The following SYNE1 variants were observed in gnomAD, a reference collection of about 807,000 sequenced individuals.
SYNE1 encodes nesprin-1.
In SYNE1, 616 loss-of-function variants were observed where a neutral mutation model predicts 1,111.0. That is an observed-to-expected ratio of 0.55 (90% CI 0.52 to 0.59). The LOEUF is 0.59. Ranked by LOEUF, SYNE1 falls within the 20% of genes least tolerant of loss-of-function variation. SYNE1 has a pLI of 0.00. For missense variants in SYNE1, 10,006 were observed against 10,417.0 expected (o/e 0.96, Z 1.72); for synonymous variants, 3,855 against 3,825.8 (o/e 1.01, Z -0.28).
chr6:152,147,922 G>A, intron 137 of SYNE1, 123 bp downstream of exon 137: 2 of 889,684 alleles, frequency 2.2e-6, no homozygotes, highest in Non-Finnish European at 3.6e-6. Flanking sequence ...TGTTCACTTA[G>A]GTACAATTTC....
chr6:152,502,213 C>T (rs2099033669), intron 10 of SYNE1, among the ~76,000 whole-genome samples: 1 of 151,374 alleles, frequency 6.6e-6, no homozygotes, highest in South Asian at 2.1e-4. Flanking sequence ...CGTCTTACTT[C>T]CATATGTTTG....
intron 54 of SYNE1, 133 bp from the exon 55 acceptor site, chr6:152,385,971 G>T: frequency 1.2e-6 from 1 of 811,280 alleles, no homozygotes; most frequent in Non-Finnish European, 2.0e-6. Context: ...TTTTCTCTGA[G>T]TTTAATATCT....
At chr6:152,611,805 C>T (rs2099632091) in intron 3 of SYNE1, among the ~76,000 whole-genome samples, 1 of 152,010 alleles carries the variant, frequency 6.6e-6, no homozygotes, top group Non-Finnish European at 1.5e-5. Flanking sequence ...GTCTCTCAGA[C>T]CACAGTGCAA....
chr6:152,349,680 C>T (rs2096707947), intron 72 of SYNE1, among the ~76,000 whole-genome samples: 1 of 152,196 alleles, frequency 6.6e-6, no homozygotes, highest in Non-Finnish European at 1.5e-5. Flanking sequence ...AGACTCAGAC[C>T]TTCATATGGT....
intron 130 of SYNE1, among the ~76,000 whole-genome samples, chr6:152,166,082 T>G (rs1329588826): frequency 6.6e-6 from 1 of 152,204 alleles, no homozygotes; most frequent in African/African-American, 2.4e-5. Context: ...TCTGAACACT[T>G]ACTAGGCTTG....
chr6:152,299,636 C>G (rs1208641853), intron 93 of SYNE1, among the ~76,000 whole-genome samples: 2 of 151,572 alleles, frequency 1.3e-5, no homozygotes. Flanking sequence ...TGATTTTTAC[C>G]AAGAGAACAG....
At chr6:152,294,206 GTCA>G in intron 93 of SYNE1, 79 bp from the exon 94 acceptor site, 1 of 1,489,560 alleles carries the variant, frequency 6.7e-7, no homozygotes, top group Non-Finnish European at 9.1e-7. Flanking sequence ...TGTTGGTCAT[GTCA>G]AGGAAAGGTT....
chr6:152,254,831 C>G (rs1191067495), intron 104 of SYNE1, 49 bp downstream of exon 104: 4 of 1,529,672 alleles, frequency 2.6e-6, no homozygotes, highest in Non-Finnish European at 2.7e-6. Flanking sequence ...CTGACTATTA[C>G]TGAATACCTA....
intron 127 of SYNE1, among the ~76,000 whole-genome samples, chr6:152,199,890 G>T (rs1014214791): frequency 6.6e-6 from 1 of 152,220 alleles, no homozygotes; most frequent in African/African-American, 2.4e-5. Context: ...CAATAGCAGC[G>T]TGTGTTTGTA....
chr6:152,148,434 C>T lies in SYNE1; in HGVS notation c.24643-56G>A, dbSNP rs1257680005. On this transcript the variant is annotated intron_variant, in intron 136 of 145. Transcript: ENST00000367255. This position sits in a 1 kb window ranked among gnomAD's most constrained non-coding sequence, Gnocchi z 4.1. ...TGTAGTGGTCAGACTAGCTTCTTAT[C>T]TGGGCCACCTGCCTACCATGTGGGG... 4.4e-5 allele frequency: 68 copies of T among 1,529,426 alleles called. No homozygotes were observed. Among genetic ancestry groups the T allele is most frequent in the Middle Eastern group, 2.1e-4 (1 of 4,828 alleles). 94.7% of individuals were successfully genotyped at this position (1,529,426 alleles called of 1,614,324 possible).
At chr6:152,423,478 T>C (rs1238170629) in intron 39 of SYNE1, among the ~76,000 whole-genome samples, 4 of 152,174 alleles carry the variant, frequency 2.6e-5, no homozygotes, top group Admixed American at 2.6e-4. Context: ...GACTCTGCAC[T>C]CTTCTCTCCA....
In SYNE1 at chr6:152,133,497, A is replaced by G; in HGVS notation, c.25789-9T>C. 1.2e-6 allele frequency: 2 copies of G among 1,613,790 alleles called. No homozygotes were observed. The highest frequency in any genetic ancestry group is 1.7e-6 in the Non-Finnish European group (2 of 1,179,762). On this transcript the variant is annotated splice_polypyrimidine_tract_variant and intron_variant, in intron 142 of 145. Transcript: ENST00000367255. ...AGCTCATGCTTTATTTGCTATGCATACAAAAACAAATTAATTTTTCTAAGC... is the reference window on the plus strand; with the variant it reads ...AGCTCATGCTTTATTTGCTATGCATGCAAAAACAAATTAATTTTTCTAAGC...
chr6:152,496,648 C>G (rs1290541389), intron 11 of SYNE1, among the ~76,000 whole-genome samples: 1 of 152,102 alleles, frequency 6.6e-6, no homozygotes, highest in Non-Finnish European at 1.5e-5. Context: ...TCAGCCCAAT[C>G]CTGCTCGAAG....
intron 130 of SYNE1, chr6:152,168,148 A>G (rs372832700): frequency 1.0e-5 from 8 of 778,702 alleles, no homozygotes; most frequent in Non-Finnish European, 1.9e-5. Flanking sequence ...GGAGATCTGC[A>G]TCCACACAGC....
At chr6:152,466,783 GATT>G (rs1335306762) in intron 16 of SYNE1, among the ~76,000 whole-genome samples, 1 of 152,010 alleles carries the variant, frequency 6.6e-6, no homozygotes, top group African/African-American at 2.4e-5. Context: ...GCGTTTCAAA[GATT>G]ATTATTACTT....
chr6:152,620,308 CTT>C (rs1455606210), intron 3 of SYNE1, among the ~76,000 whole-genome samples: 1 of 152,028 alleles, frequency 6.6e-6, no homozygotes, highest in Non-Finnish European at 1.5e-5. Flanking sequence ...TCACAAACCT[CTT>C]TTCTTCTTAT....
intron 3 of SYNE1, among the ~76,000 whole-genome samples, chr6:152,565,582 C>T (rs1305362832): frequency 6.6e-6 from 1 of 151,936 alleles, no homozygotes; most frequent in East Asian, 1.9e-4. Flanking sequence ...TTGGTATTCA[C>T]TCAAGACCCA....
intron 105 of SYNE1, among the ~76,000 whole-genome samples, chr6:152,246,232 G>T (rs1031903786): frequency 6.6e-6 from 1 of 151,940 alleles, no homozygotes; most frequent in East Asian, 1.9e-4. Flanking sequence ...GGCAACAAAA[G>T]ATTTCAATAT....
At position 152,233,781 on chromosome 6, in the gene SYNE1, C is replaced by T; in HGVS notation, c.20712G>A (p.Gln6904=). Residue 6904 remains glutamine, a splice_region_variant and synonymous_variant, in exon 112 of 146, where the codon CAG becomes CAA. Transcript: ENST00000367255. ...CCCACGAAAGCAATCCTTTCTGTACCTGGTGGAGCTTCTCCTGGACGGCTG... is the reference window on the plus strand; with the variant it reads ...CCCACGAAAGCAATCCTTTCTGTACTTGGTGGAGCTTCTCCTGGACGGCTG... ...NIPAVQEKLH[Q]LQMDKLPSRH... The T allele has an allele frequency of 6.2e-7, 1 of 1,614,182 alleles. No homozygotes were observed. Among genetic ancestry groups the T allele is most frequent in the Non-Finnish European group, 8.5e-7 (1 of 1,180,032 alleles).
Sources: allele counts gnomAD v4.1 joint callset (sites outside exome capture counted in the v4.1 genomes callset), GRCh38; gene constraint gnomAD v4.1.1; non-coding constraint Gnocchi (gnomAD v3.1); transcripts MANE v1.5; gene names NCBI Gene and HGNC (gene_info 2026-07-23, HGNC 2026-07-21).